Variants in ZFPL1 observed in about 807,000 individuals in gnomAD.
The protein encoded by ZFPL1 is zinc finger protein-like 1.
Under a neutral mutation model 32.0 loss-of-function variants are expected in ZFPL1, and 28 were observed. The observed-to-expected ratio is 0.87, with a 90% CI of 0.65 to 1.20. ZFPL1 has a LOEUF of 1.20. Among genes scored for constraint, ZFPL1 ranks in the 50% most tolerant of loss-of-function variants. The pLI is 0.00. For synonymous variants in ZFPL1, 165 were observed against 177.0 expected, an observed-to-expected ratio of 0.93 and a Z score of 0.54; for missense variants, 386 against 424.8, an observed-to-expected ratio of 0.91 and a Z score of 0.80.
intron 7 of ZFPL1, 47 bp downstream of exon 7, chr11:65,087,480 G>C: frequency 6.4e-7 from 1 of 1,574,616 alleles, no homozygotes; most frequent in Non-Finnish European, 8.7e-7. Context: ...GGTGGAGAGG[G>C]AATGGGAGCC....
At chr11:65,087,789 G>T in intron 7 of ZFPL1, 139 bp from the exon 8 acceptor site, 1 of 873,616 alleles carries the variant, frequency 1.1e-6, no homozygotes, top group South Asian at 1.8e-5. Context: ...GCCCTATGGT[G>T]GCAGGTGCAG....
intron 2 of ZFPL1, 75 bp downstream of exon 2, chr11:65,084,875 G>A (rs772459020): frequency 5.8e-5 from 89 of 1,546,878 alleles, no homozygotes; most frequent in Middle Eastern, 1.7e-4. Context: ...AAATCCATGA[G>A]GGGCCCCGCG....
At position 65,086,908 on chromosome 11, in the gene ZFPL1, G is replaced by T. The variant is rs780804160; in HGVS notation, c.482-20G>T. The T allele has an allele frequency of 6.2e-7, 1 of 1,613,192 alleles. No individual in the cohort carries two copies. Among genetic ancestry groups the T allele is most frequent in the South Asian group, 1.1e-5 (1 of 90,992 alleles). On this transcript the variant is annotated intron_variant, in intron 5 of 7. Transcript: ENST00000294258. ...AGCTCTATGCACTGCTTCTGCTGACGGCTCTCTTTCCACCCACAGCCAGCA... is the reference window on the plus strand; with the variant it reads ...AGCTCTATGCACTGCTTCTGCTGACTGCTCTCTTTCCACCCACAGCCAGCA...
chr11:65,088,394 TA>T lies in ZFPL1; in HGVS notation c.*284del. 6.7e-7 allele frequency: 1 copy of T among 1,492,880 alleles called. No homozygotes were observed. The highest frequency in any genetic ancestry group is 9.0e-7 in the Non-Finnish European group (1 of 1,107,422). The allele number at this position is 1,492,880 out of a possible 1,614,324, so 92.5% of individuals were successfully genotyped here. On this transcript the variant is annotated 3_prime_UTR_variant, in exon 8 of 8. Coordinates refer to ENST00000294258, the MANE Select transcript of ZFPL1 (RefSeq NM_006782.4). Reference sequence around the variant, plus strand: ...AGGTGGAAATAAACAACAACTTTATTAAAACACCCGAGGCAGCCTTTTGCTT... The same window carrying T: ...AGGTGGAAATAAACAACAACTTTATTAAACACCCGAGGCAGCCTTTTGCTT...
chr11:65,084,594 A>C, intron 1 of ZFPL1, 97 bp from the exon 2 acceptor site: 1 of 947,926 alleles, frequency 1.1e-6, no homozygotes, highest in Non-Finnish European at 1.7e-6. Flanking sequence ...CGAATATGAG[A>C]GGTGTCTGGG....
chr11:65,086,447 G>C lies in ZFPL1; in HGVS notation c.247G>C (p.Ala83Pro). 2.5e-6 allele frequency: 4 copies of C among 1,614,044 alleles called. No homozygotes were observed. Among genetic ancestry groups the C allele is most frequent in the Non-Finnish European group, 3.4e-6 (4 of 1,180,026 alleles). The change falls in exon 4 of 8, where the codon GCT becomes CCT. Residue 83 changes from alanine to proline, a missense_variant. Ala to Pro is a conservative substitution (Grantham distance 27). Coordinates refer to ENST00000294258, the MANE Select transcript of ZFPL1 (RefSeq NM_006782.4). ...LFHWACLNER[A>P]AQLPRNTAPA... Reference sequence around the variant, plus strand: ...TCACTGGGCCTGCCTCAATGAACGTGCTGCCCAGCTACCCCGAAACACGGC... The same window carrying C: ...TCACTGGGCCTGCCTCAATGAACGTCCTGCCCAGCTACCCCGAAACACGGC...
intron 3 of ZFPL1, 183 bp downstream of exon 3, chr11:65,085,409 C>G: frequency 1.6e-6 from 1 of 620,236 alleles, no homozygotes; most frequent in Non-Finnish European, 2.9e-6. Flanking sequence ...CTTTCTAGGC[C>G]TCACTGTCTT....
chr11:65,086,706 A>G lies in ZFPL1; in HGVS notation c.409-14A>G, dbSNP rs1455244289. The G allele has an allele frequency of 6.2e-7, 1 of 1,614,190 alleles. No individual in the cohort carries two copies. The highest frequency in any genetic ancestry group is 8.5e-7 in the Non-Finnish European group (1 of 1,180,036). On this transcript the variant is annotated splice_polypyrimidine_tract_variant and intron_variant, in intron 4 of 7. Transcript: ENST00000294258. ...AATACTAGGCAGCCTGGTGACCCAG[A>G]TTCCTTCCTCCAGATCGATGAGGTG... is the stretch of plus-strand genomic sequence containing the variant.
chr11:65,087,262 C>T, intron 6 of ZFPL1, 54 bp from the exon 7 acceptor site: 2 of 1,599,964 alleles, frequency 1.3e-6, no homozygotes, highest in Non-Finnish European at 1.7e-6. Flanking sequence ...CCTAGCCCTC[C>T]CCAAAGCGGC....
In ZFPL1 at chr11:65,086,779, G is replaced by T; in HGVS notation, c.468G>T (p.Trp156Cys). 1 of 1,614,224 alleles carries T rather than the reference G, an allele frequency of 6.2e-7. No individual in the cohort carries two copies. The highest frequency in any genetic ancestry group is 1.3e-5 in the African/African-American group (1 of 75,056). ...TCAACACGTCTGACTTCTCTGACTG[G>T]TCTAGTTTTAATGGTAAGTGGTGGC... is the stretch of plus-strand genomic sequence containing the variant. ...EPLNTSDFSD[W>C]SSFNASSTPG... The change falls in exon 5 of 8, where the codon TGG becomes TGT. Residue 156 changes from tryptophan (W) to cysteine (C), a missense_variant. Trp to Cys is a radical substitution (Grantham distance 215). Transcript: ENST00000294258.
Position 65,086,749 on chromosome 11 carries a change from G to A in ZFPL1, c.438G>A (p.Glu146=). The A allele has an allele frequency of 6.2e-7, 1 of 1,614,244 alleles. No individual in the cohort carries two copies. The highest frequency in any genetic ancestry group is 1.3e-5 in the African/African-American group (1 of 75,064). ...ATGAGGTGGTGAGCCCAGAGCCCGA[G>A]CCCCTCAACACGTCTGACTTCTCTG... is the stretch of plus-strand genomic sequence containing the variant. The part of the protein sequence containing the change: ...LIDEVVSPEP[E]PLNTSDFSDW... Residue 146 remains glutamate, a synonymous_variant, in exon 5 of 8, where the codon GAG becomes GAA. Transcript: ENST00000294258.
In ZFPL1 at chr11:65,084,747, T is replaced by C; in HGVS notation, c.49T>C (p.Phe17Leu). 2 of 1,614,134 alleles carry C rather than the reference T, an allele frequency of 1.2e-6. No homozygotes were observed. The highest frequency in any genetic ancestry group is 1.1e-5 in the South Asian group (1 of 91,080). ...GAGAAAGGTGACCAACCTGTTCTGCTTCGAACATCGGGTCAACGTCTGCGA... is the reference window on the plus strand; with the variant it reads ...GAGAAAGGTGACCAACCTGTTCTGCCTCGAACATCGGGTCAACGTCTGCGA... Reference protein sequence around the residue: ...PKRKVTNLFCFEHRVNVCEHC... With the variant: ...PKRKVTNLFCLEHRVNVCEHC... The change falls in exon 2 of 8, where the codon TTC becomes CTC. Residue 17 changes from phenylalanine (F) to leucine (L), a missense_variant. Transcript: ENST00000294258.
chr11:65,086,812 G>T lies in ZFPL1; in HGVS notation c.481+20G>T. 6.2e-7 allele frequency: 1 copy of T among 1,614,172 alleles called. No individual in the cohort carries two copies. The highest frequency in any genetic ancestry group is 8.5e-7 in the Non-Finnish European group (1 of 1,180,030). Reference sequence around the variant, plus strand: ...TTAATGGTAAGTGGTGGCTTCCACCGACTGTTTGGGCTTTAGCCTCCCTGC... The same window carrying T: ...TTAATGGTAAGTGGTGGCTTCCACCTACTGTTTGGGCTTTAGCCTCCCTGC... On this transcript the variant is annotated intron_variant, in intron 5 of 7. Coordinates refer to ENST00000294258, the MANE Select transcript of ZFPL1 (RefSeq NM_006782.4).
intron 7 of ZFPL1, chr11:65,087,668 C>T (rs1203445764): frequency 8.2e-6 from 5 of 612,196 alleles, no homozygotes; most frequent in Admixed American, 3.0e-5. Flanking sequence ...CTCTTTGAGG[C>T]CCCTTCCCGA....
chr11:65,085,294 C>T, intron 3 of ZFPL1, 68 bp downstream of exon 3: 5 of 1,405,290 alleles, frequency 3.6e-6, no homozygotes, highest in Non-Finnish European at 5.0e-6. Flanking sequence ...GGTTTCCAGG[C>T]CCTCCTCAAG....
In ZFPL1 at chr11:65,088,119, CCTTG is replaced by C. The variant is rs758434123; in HGVS notation, c.*10_*13del. ...ATCCGCGTGGGCCCCTCCTGAGCCC[CCTTG>C]CTTGTGGCTAGGCCAGCCTAGGATG... is the stretch of plus-strand genomic sequence containing the variant. On this transcript the variant is annotated 3_prime_UTR_variant, in exon 8 of 8. Transcript: ENST00000294258. 1 of 1,603,476 alleles carries C rather than the reference CCTTG, an allele frequency of 6.2e-7. No individual in the cohort carries two copies. Among genetic ancestry groups the C allele is most frequent in the African/African-American group, 1.3e-5 (1 of 74,450 alleles).
intron 3 of ZFPL1, 66 bp from the exon 4 acceptor site, chr11:65,086,349 G>A: frequency 6.3e-7 from 1 of 1,598,330 alleles, no homozygotes. Context: ...GGGGACTATT[G>A]CTAGGCTAGG....
Position 65,088,156 on chromosome 11 carries a change from T to G in ZFPL1, c.*42T>G. ...CTAGGCCAGCCTAGGATGTGGGTTC[T>G]GTGGAGGAGAGGCGGGGTAATGGGG... is the stretch of plus-strand genomic sequence containing the variant. On this transcript the variant is annotated 3_prime_UTR_variant, in exon 8 of 8. Transcript: ENST00000294258. 6.3e-7 allele frequency: 1 copy of G among 1,580,094 alleles called. No individual in the cohort carries two copies.
At position 65,086,763 on chromosome 11, in the gene ZFPL1, C is replaced by T. The variant is rs1401917372; in HGVS notation, c.452C>T (p.Ser151Phe). ...VSPEPEPLNT[S>F]DFSDWSSFNA... is the part of the protein sequence containing the mutation. Reference sequence around the variant, plus strand: ...CCAGAGCCCGAGCCCCTCAACACGTCTGACTTCTCTGACTGGTCTAGTTTT... The same window carrying T: ...CCAGAGCCCGAGCCCCTCAACACGTTTGACTTCTCTGACTGGTCTAGTTTT... The change falls in exon 5 of 8, where the codon TCT becomes TTT. Residue 151 changes from serine (S) to phenylalanine (F), a missense_variant. By Grantham distance (155) the Ser-to-Phe change is radical. Coordinates refer to ENST00000294258, the MANE Select transcript of ZFPL1 (RefSeq NM_006782.4). 1 of 1,614,248 alleles carries T rather than the reference C, an allele frequency of 6.2e-7. No individual in the cohort carries two copies. The highest frequency in any genetic ancestry group is 1.1e-5 in the South Asian group (1 of 91,084).
Sources: gnomAD v4.1 joint callset for allele counts on GRCh38, gnomAD v4.1.1 for gene constraint, MANE v1.5 for transcripts, NCBI Gene and HGNC (gene_info 2026-07-23, HGNC 2026-07-21) for gene names.